KCNQ1: variants seen among roughly 807,000 people sequenced by gnomAD.
KCNQ1 encodes potassium voltage-gated channel subfamily Q member 1, also known as potassium voltage-gated channel subfamily KQT member 1.
Under a neutral mutation model 72.4 loss-of-function variants are expected in KCNQ1, and 49 were observed. The observed-to-expected ratio is 0.68, with a 90% CI of 0.54 to 0.86. KCNQ1 has a LOEUF of 0.86. Among genes scored for constraint, KCNQ1 ranks in the 40% least tolerant of loss-of-function variants. The pLI, the probability that KCNQ1 is intolerant of heterozygous loss-of-function variation, is 0.00. For missense variants in KCNQ1, 790 were observed against 945.1 expected (o/e 0.84, Z 2.15); for synonymous variants, 450 against 412.6 (o/e 1.09, Z -1.10).
chr11:2,804,121 G>A (rs571252505), intron 15 of KCNQ1, among the ~76,000 whole-genome samples: 6 of 152,202 alleles, frequency 3.9e-5, no homozygotes, highest in Admixed American at 2.6e-4. Flanking sequence ...TCTCTACAGC[G>A]CCCAGTAGCC....
chr11:2,744,404 CTCCAGT>C (rs759742945), intron 11 of KCNQ1, among the ~76,000 whole-genome samples: 14 of 152,238 alleles, frequency 9.2e-5, no homozygotes, highest in Admixed American at 2.0e-4. Context: ...GTGTTTCTTG[CTCCAGT>C]ACTGCAGAGC....
intron 10 of KCNQ1, chr11:2,609,342 G>C (rs1356159590): frequency 5.0e-6 from 2 of 398,154 alleles, no homozygotes; most frequent in African/African-American, 2.1e-5. Context: ...TAATTTCTTT[G>C]CTACTGAGTT....
intron 11 of KCNQ1, among the ~76,000 whole-genome samples, chr11:2,705,383 C>T (rs995182351): frequency 6.6e-6 from 1 of 152,096 alleles, no homozygotes; most frequent in Non-Finnish European, 1.5e-5. Flanking sequence ...CTTGATTAGC[C>T]GAACCCAACT....
rs1847155937 is a variant in KCNQ1, at chr11:2,509,349, T to G, written c.387-18579T>G. On this transcript the variant is annotated intron_variant, in intron 1 of 15. Transcript: ENST00000155840. This position sits in a 1 kb window ranked among gnomAD's most constrained non-coding sequence, Gnocchi z 6.3. ...CCCCTCCATGTTCAAGTTCAGCATC[T>G]CTGCACCCCTTGCCTGGCAAACCCC... Among the ~76,000 whole-genome samples the G allele has an allele frequency of 6.6e-6, 1 of 152,186 alleles. No individual in the cohort carries two copies. Among genetic ancestry groups the G allele is most frequent in the African/African-American group, 2.4e-5 (1 of 41,430 alleles).
chr11:2,788,104 G>A (rs1029599147), intron 15 of KCNQ1, among the ~76,000 whole-genome samples: 10 of 152,186 alleles, frequency 6.6e-5, no homozygotes, highest in Admixed American at 2.6e-4. Flanking sequence ...GGGACCATAC[G>A]GGAGAGCACA....
At chr11:2,476,649 T>A (rs766312918) in intron 1 of KCNQ1, among the ~76,000 whole-genome samples, 3 of 152,150 alleles carry the variant, frequency 2.0e-5, no homozygotes, top group Non-Finnish European at 4.4e-5. Context: ...ATATCTAAAT[T>A]TAGACATGAG....
At chr11:2,532,325 G>A (rs1338437192) in intron 2 of KCNQ1, among the ~76,000 whole-genome samples, 2 of 152,316 alleles carry the variant, frequency 1.3e-5, no homozygotes, top group Middle Eastern at 3.4e-3. Flanking sequence ...GTTGCCCAGC[G>A]AGGATGACCC....
chr11:2,801,805 G>T (rs567748003), intron 15 of KCNQ1, among the ~76,000 whole-genome samples: 1 of 152,346 alleles, frequency 6.6e-6, no homozygotes, highest in African/African-American at 2.4e-5. Flanking sequence ...GGGTGTCCTT[G>T]CCTCTCAGGG....
At position 2,627,970 on chromosome 11, in the gene KCNQ1, T is replaced by C; in HGVS notation, c.1394-33991T>C. 2.5e-6 allele frequency: 1 copy of C among 398,610 alleles called. No homozygotes were observed. The highest frequency in any genetic ancestry group is 3.6e-5 in the East Asian group (1 of 28,068). 24.7% of individuals were successfully genotyped at this position (398,610 alleles called of 1,614,324 possible). A position where few individuals can be genotyped will look rare whatever the true frequency, so the allele number is the denominator to read the frequency against. On this transcript the variant is annotated intron_variant, in intron 10 of 15. Coordinates refer to ENST00000155840, the MANE Select transcript of KCNQ1 (RefSeq NM_000218.3). This position sits in a 1 kb window ranked among gnomAD's most constrained non-coding sequence, Gnocchi z 4.9. Reference sequence around the variant, plus strand: ...TATCACTATGTTTCCTAGGCTGGTCTCAAACTCCTGTGTTCAAGCTATCCT... The same window carrying C: ...TATCACTATGTTTCCTAGGCTGGTCCCAAACTCCTGTGTTCAAGCTATCCT...
Position 2,547,269 on chromosome 11 carries a change from G to C in KCNQ1, c.477+19251G>C, listed in dbSNP as rs1055179736. 1.3e-5 allele frequency among the ~76,000 whole-genome samples: 2 copies of C among 152,134 alleles called. 1 individual carries two copies. Among genetic ancestry groups the C allele is most frequent in the Non-Finnish European group, 2.9e-5 (2 of 68,022 alleles). ...TTTTGCGAAACAGTTTCCCTCTGTT[G>C]CCCAGGCTAGAGTGCAGTGGCATGA... On this transcript the variant is annotated intron_variant, in intron 2 of 15. Coordinates refer to ENST00000155840, the MANE Select transcript of KCNQ1 (RefSeq NM_000218.3). This position sits in a 1 kb window ranked among gnomAD's most constrained non-coding sequence, Gnocchi z 4.2.
intron 6 of KCNQ1, among the ~76,000 whole-genome samples, chr11:2,577,406 T>C (rs1848437994): frequency 2.0e-5 from 3 of 152,218 alleles, no homozygotes; most frequent in South Asian, 4.1e-4. Flanking sequence ...CAAGACACAG[T>C]CACCTGGGCC....
At chr11:2,568,814 C>A (rs1426400716) in intron 2 of KCNQ1, among the ~76,000 whole-genome samples, 2 of 152,264 alleles carry the variant, frequency 1.3e-5, no homozygotes, top group Non-Finnish European at 2.9e-5. Flanking sequence ...AGGTGGGACC[C>A]ACACCCCCCC....
intron 2 of KCNQ1, among the ~76,000 whole-genome samples, chr11:2,542,594 G>A (rs373247446): frequency 6.6e-6 from 1 of 152,192 alleles, no homozygotes; most frequent in South Asian, 2.1e-4. Flanking sequence ...AAGGCTTCTC[G>A]CTCCCGTCGC....
chr11:2,801,560 C>T (rs1043828423), intron 15 of KCNQ1, among the ~76,000 whole-genome samples: 6 of 152,194 alleles, frequency 3.9e-5, no homozygotes, highest in Non-Finnish European at 7.3e-5. Flanking sequence ...CTTGCAAAGA[C>T]GTGAGTCCTA....
intron 1 of KCNQ1, among the ~76,000 whole-genome samples, chr11:2,470,585 G>C (rs1304056740): frequency 2.6e-5 from 4 of 151,858 alleles, no homozygotes; most frequent in Non-Finnish European, 5.9e-5. Context: ...CCCAATGACA[G>C]TTATCAAGGG....
chr11:2,583,180 T>G (rs1387696611), intron 6 of KCNQ1, among the ~76,000 whole-genome samples: 4 of 152,166 alleles, frequency 2.6e-5, no homozygotes, highest in African/African-American at 9.6e-5. Flanking sequence ...CCAGCAGGCC[T>G]GGCCCTTCGT....
chr11:2,495,506 A>C lies in KCNQ1; in HGVS notation c.387-32422A>C, dbSNP rs1187336632. Among the ~76,000 whole-genome samples, 3 of 152,190 alleles carry C rather than the reference A, an allele frequency of 2.0e-5. No individual in the cohort carries two copies. Among genetic ancestry groups the C allele is most frequent in the African/African-American group, 7.2e-5 (3 of 41,448 alleles). On this transcript the variant is annotated intron_variant, in intron 1 of 15. Transcript: ENST00000155840. This position sits in a 1 kb window ranked among gnomAD's most constrained non-coding sequence, Gnocchi z 4.6. ...TAAATTTGCCTCTAAACACTGCTTT[A>C]GCTGTGTCCCAGAAATTCTGGTACG...
rs1849778313 is a variant in KCNQ1, at chr11:2,652,832, G to A, written c.1394-9129G>A. ...GCAGAGACATTTCCGTTCACTCTGA[G>A]ATTTGTGTATGCTGAGGCTTGCTAT... On this transcript the variant is annotated intron_variant, in intron 10 of 15. Coordinates refer to ENST00000155840, the MANE Select transcript of KCNQ1 (RefSeq NM_000218.3). The surrounding 1 kb of genome is among the most constrained non-coding windows in gnomAD (Gnocchi z 5.9). 1 of 398,880 alleles carries A rather than the reference G, an allele frequency of 2.5e-6. No individual in the cohort carries two copies. The highest frequency in any genetic ancestry group is 3.6e-5 in the East Asian group (1 of 28,086). 24.7% of individuals were successfully genotyped at this position (398,880 alleles called of 1,614,324 possible). A position where few individuals can be genotyped will look rare whatever the true frequency, so the allele number is the denominator to read the frequency against.
rs572791375 is a variant in KCNQ1 at position 2,595,908 on chromosome 11, T to C, written c.1393+7054T>C. On this transcript the variant is annotated intron_variant, in intron 10 of 15. Transcript: ENST00000155840. This position sits in a 1 kb window ranked among gnomAD's most constrained non-coding sequence, Gnocchi z 5.0. Reference sequence around the variant, plus strand: ...ACCATTCTAGATGAAATTAAGAACATTAGTGATTCATGGAAGAACGTCAAA... The same window carrying C: ...ACCATTCTAGATGAAATTAAGAACACTAGTGATTCATGGAAGAACGTCAAA... 6.6e-6 allele frequency among the ~76,000 whole-genome samples: 1 copy of C among 152,210 alleles called. No homozygotes were observed. Among genetic ancestry groups the C allele is most frequent in the East Asian group, 1.9e-4 (1 of 5,184 alleles).
Sources: allele counts gnomAD v4.1 joint callset (sites outside exome capture counted in the v4.1 genomes callset), GRCh38; gene constraint gnomAD v4.1.1; non-coding constraint Gnocchi (gnomAD v3.1); transcripts MANE v1.5; gene names NCBI Gene and HGNC (gene_info 2026-07-23, HGNC 2026-07-21).